GLIS3: variants seen among roughly 807,000 people sequenced by gnomAD.
GLIS3 encodes the protein zinc finger protein GLIS3.
A neutral mutation model predicts 78.6 loss-of-function variants in GLIS3; 53 were observed. The observed-to-expected ratio is 0.67, with a 90% CI of 0.54 to 0.85. The LOEUF (loss-of-function observed/expected upper bound fraction) is 0.85, where lower values mean the gene tolerates loss of function less well. Ranked by LOEUF, GLIS3 falls within the 40% of genes least tolerant of loss-of-function variation. The pLI is 0.00. For synonymous variants in GLIS3, 684 were observed against 509.9 expected, an observed-to-expected ratio of 1.34 and a Z score of -4.60; for missense variants, 1,703 against 1,231.1, an observed-to-expected ratio of 1.38 and a Z score of -5.74.
chr9:4,161,079 TAAA>T (rs59854446), intron 2 of GLIS3, among the ~76,000 whole-genome samples: 70 of 135,810 alleles, frequency 5.2e-4, no homozygotes, highest in East Asian at 1.9e-3. Flanking sequence ...CCCCATCTCT[TAAA>T]AAAAAAAAAA....
intron 8 of GLIS3, among the ~76,000 whole-genome samples, chr9:3,862,205 G>A (rs73640774): frequency 0.014 from 2,206 of 152,288 alleles, 44 homozygotes; most frequent in African/African-American, 0.05. Context: ...AAGGTAAGAA[G>A]GACTTCTCTA....
At chr9:4,237,363 AT>A (rs1214596998) in intron 2 of GLIS3, among the ~76,000 whole-genome samples, 1 of 152,202 alleles carries the variant, frequency 6.6e-6, no homozygotes, top group Non-Finnish European at 1.5e-5. Context: ...GCAACTTTAC[AT>A]TAACTGGAAA....
chr9:4,120,904 C>T (rs536204537), intron 3 of GLIS3, among the ~76,000 whole-genome samples: 16 of 152,176 alleles, frequency 1.1e-4, no homozygotes, highest in African/African-American at 2.9e-4. Flanking sequence ...TATAGTGAAA[C>T]GTTCATTTGC....
intron 4 of GLIS3, among the ~76,000 whole-genome samples, chr9:4,033,886 A>AAT (rs1554677040): frequency 6.7e-6 from 1 of 149,600 alleles, no homozygotes; most frequent in African/African-American, 2.5e-5. Flanking sequence ...AAAAAAAAAA[A>AAT]AAAACTAGAA....
At chr9:3,850,733 TTCC>T (rs1016882873) in intron 9 of GLIS3, among the ~76,000 whole-genome samples, 112 of 152,298 alleles carry the variant, frequency 7.4e-4, no homozygotes, top group African/African-American at 2.6e-3. Context: ...CTCCATTCTC[TTCC>T]TCCTCTACTC....
intron 2 of GLIS3, among the ~76,000 whole-genome samples, chr9:4,183,793 C>G (rs1817536987): frequency 1.3e-5 from 2 of 152,160 alleles, no homozygotes; most frequent in South Asian, 4.1e-4. Flanking sequence ...GGTCATGATT[C>G]TGAATGTTTA....
chr9:4,242,703 A>T (rs1171808559), intron 2 of GLIS3, among the ~76,000 whole-genome samples: 1 of 152,208 alleles, frequency 6.6e-6, no homozygotes, highest in African/African-American at 2.4e-5. Flanking sequence ...CTTGAAATAT[A>T]GCTAGTAGGA....
intron 2 of GLIS3, among the ~76,000 whole-genome samples, chr9:4,226,453 G>C (rs1821775460): frequency 6.6e-6 from 1 of 152,114 alleles, no homozygotes; most frequent in Admixed American, 6.5e-5. Context: ...AGAAAGACGA[G>C]CTCCTCCCAA....
the GLIS3 span, among the ~76,000 whole-genome samples, chr9:4,425,729 C>T: frequency 4.7e-4 from 72 of 152,338 alleles, no homozygotes; most frequent in African/African-American, 1.7e-3. Context: ...TGTGCCTTTA[C>T]CTAGTACCAC....
In GLIS3 at chr9:3,969,666, C is replaced by A. The variant is rs555876160; in HGVS notation, c.1711-32477G>T. 1.1e-4 allele frequency among the ~76,000 whole-genome samples: 16 copies of A among 152,282 alleles called. No homozygotes were observed. In the South Asian group the frequency reaches 2.9e-3, roughly 28 times the overall value. On this transcript the variant is annotated intron_variant, in intron 4 of 10. Transcript: ENST00000381971. ...TCTTCTGGAGATCTTCTTTTCCCAA[C>A]CAAATACAGCCACTGTGAAGAACTC...
intron 9 of GLIS3, among the ~76,000 whole-genome samples, chr9:3,845,311 A>G (rs1217009344): frequency 6.6e-6 from 1 of 152,192 alleles, no homozygotes; most frequent in East Asian, 1.9e-4. Context: ...AAAACAAAAT[A>G]TAGAATGTGA....
the GLIS3 span, among the ~76,000 whole-genome samples, chr9:4,477,035 T>C: frequency 6.6e-6 from 1 of 152,148 alleles, no homozygotes; most frequent in African/African-American, 2.4e-5. Flanking sequence ...ATAGAATTAC[T>C]ATATGTTCCA....
At chr9:4,458,802 G>T in the GLIS3 span, among the ~76,000 whole-genome samples, 1 of 152,070 alleles carries the variant, frequency 6.6e-6, no homozygotes, top group African/African-American at 2.4e-5. Flanking sequence ...GAGTATATCT[G>T]AACAAGTGAA....
the GLIS3 span, among the ~76,000 whole-genome samples, chr9:4,490,050 C>T: frequency 2.0e-5 from 3 of 152,230 alleles, no homozygotes; most frequent in Non-Finnish European, 4.4e-5. Context: ...GGATCAGCTT[C>T]CCCCGACTTG....
the GLIS3 span, among the ~76,000 whole-genome samples, chr9:4,383,775 C>A: frequency 1.3e-5 from 2 of 152,198 alleles, no homozygotes; most frequent in Non-Finnish European, 2.9e-5. Flanking sequence ...GGATAATCAG[C>A]CTCTTTGTGT....
At chr9:4,261,405 T>C (rs1410479450) in intron 2 of GLIS3, among the ~76,000 whole-genome samples, 3 of 151,766 alleles carry the variant, frequency 2.0e-5, no homozygotes, top group African/African-American at 7.3e-5. Context: ...CAGATTAAGA[T>C]AAAAAGAGAA....
upstream of GLIS3, among the ~76,000 whole-genome samples, chr9:4,350,930 T>G (rs747172454): frequency 1.3e-5 from 2 of 152,210 alleles, no homozygotes; most frequent in Non-Finnish European, 2.9e-5. Context: ...GAACAAGGGC[T>G]CTTTGATCAA....
the GLIS3 span, among the ~76,000 whole-genome samples, chr9:4,436,145 A>T: frequency 3.3e-5 from 5 of 152,230 alleles, no homozygotes; most frequent in Non-Finnish European, 5.9e-5. Context: ...CTTCTCTAAG[A>T]ATTTATGTAT....
chr9:4,338,450 T>C (rs575849764), intron 2 of GLIS3, among the ~76,000 whole-genome samples: 12 of 151,826 alleles, frequency 7.9e-5, no homozygotes, highest in Non-Finnish European at 1.3e-4. Context: ...TTATTCAGGA[T>C]GAGAATTCAG....
Sources: allele counts gnomAD v4.1 joint callset (sites outside exome capture counted in the v4.1 genomes callset), GRCh38; gene constraint gnomAD v4.1.1; transcripts MANE v1.5; gene names NCBI Gene and HGNC (gene_info 2026-07-23, HGNC 2026-07-21).